Variants in TTC38 observed in about 807,000 individuals in gnomAD.
TTC38 encodes the protein tetratricopeptide repeat protein 38.
TTC38 carries 64 observed loss-of-function variants against 64.2 expected under a neutral mutation model. The ratio of observed to expected loss-of-function variants is 1.00; its 90% confidence interval spans 0.81 to 1.23. The LOEUF (loss-of-function observed/expected upper bound fraction) is 1.23. Among genes scored for constraint, TTC38 ranks in the 50% most tolerant of loss-of-function variants. The pLI is 0.00. For synonymous variants in TTC38, 254 were observed against 249.3 expected (o/e 1.02, Z -0.18); for missense variants, 573 against 615.5 (o/e 0.93, Z 0.73).
Position 46,281,884 on chromosome 22 carries a change from A to C in TTC38, c.735+166A>C, listed in dbSNP as rs2077537803. On this transcript the variant is annotated intron_variant, in intron 7 of 13. Coordinates refer to ENST00000381031, the MANE Select transcript of TTC38 (RefSeq NM_017931.4). The surrounding 1 kb of genome is among the most constrained non-coding windows in gnomAD (Gnocchi z 5.2). ...GGTGTTTGGCTGCTGAGCAGAATGC[A>C]ATCAAGATTCCAGTCCCCACCCCAG... 1 of 928,856 alleles carries C rather than the reference A, an allele frequency of 1.1e-6. No individual in the cohort carries two copies. The highest frequency in any genetic ancestry group is 2.2e-5 in the Admixed American group (1 of 45,310). 57.5% of individuals were successfully genotyped at this position (928,856 alleles called of 1,614,324 possible). A position where few individuals can be genotyped will look rare whatever the true frequency, so the allele number is the denominator to read the frequency against.
rs758455069 is a variant in TTC38, at chr22:46,289,537, C to T, written c.1218C>T (p.Val406=). The T allele has an allele frequency of 3.1e-6, 5 of 1,598,644 alleles. No homozygotes were observed. In the East Asian group the frequency reaches 1.1e-4, roughly 36 times the overall value. The change falls in exon 12 of 14, where the codon GTC becomes GTT. Residue 406 remains valine, a synonymous_variant. Transcript: ENST00000381031. The part of the protein sequence containing the change: ...ELLLPIRYRI[V]QLGGSNAQRD... Reference sequence around the variant, plus strand: ...TCCTGCCCATCCGCTACCGGATCGTCCAGCTCGGTGGGAGCAATGCCCAGG... The same window carrying T: ...TCCTGCCCATCCGCTACCGGATCGTTCAGCTCGGTGGGAGCAATGCCCAGG...
At chr22:46,283,390 C>G (rs1021760558) in intron 7 of TTC38, among the ~76,000 whole-genome samples, 1 of 152,176 alleles carries the variant, frequency 6.6e-6, no homozygotes, top group Non-Finnish European at 1.5e-5. Flanking sequence ...CTGCACCGGT[C>G]CTGGGGCTGC....
At position 46,292,793 on chromosome 22, in the gene TTC38, G is replaced by C; in HGVS notation, c.1319G>C (p.Ser440Thr). ...GACCTCTGTGTCTGTTTCCACAGGA[G>C]CCTTCTGATGGAGCGTGATGCCTTG... ...TSSVHKNVARSLLMERDALKP... is the reference protein window; with the variant it reads ...TSSVHKNVARTLLMERDALKP... Residue 440 changes from serine (S) to threonine (T), a missense_variant and splice_region_variant, in exon 14 of 14, where the codon AGC (serine) becomes ACC (threonine). Around this residue, in one of 3 missense-constraint regions of TTC38, gnomAD observed 371 missense variants for 381.8 expected, o/e 0.97. Transcript: ENST00000381031. The surrounding 1 kb of genome is among the most constrained non-coding windows in gnomAD (Gnocchi z 6.5). 1 of 1,613,634 alleles carries C rather than the reference G, an allele frequency of 6.2e-7. No homozygotes were observed. Among genetic ancestry groups the C allele is most frequent in the Non-Finnish European group, 8.5e-7 (1 of 1,179,580 alleles).
Position 46,282,164 on chromosome 22 carries a change from C to T in TTC38, c.735+446C>T. 2.9e-6 allele frequency: 1 copy of T among 350,006 alleles called. No homozygotes were observed. The highest frequency in any genetic ancestry group is 5.8e-6 in the Non-Finnish European group (1 of 171,650). 21.7% of individuals were successfully genotyped at this position (350,006 alleles called of 1,614,324 possible). A position where few individuals can be genotyped will look rare whatever the true frequency, so the allele number is the denominator to read the frequency against. On this transcript the variant is annotated intron_variant, in intron 7 of 13. Transcript: ENST00000381031. This position sits in a 1 kb window ranked among gnomAD's most constrained non-coding sequence, Gnocchi z 4.4. ...GAAGGATGAGCAGGTGTGTGCCACA[C>T]AGAGGGGGAAGATGGAGGGCATCCT...
chr22:46,288,672 C>A (rs941707020), intron 11 of TTC38, 84 bp downstream of exon 11: 9 of 1,349,172 alleles, frequency 6.7e-6, no homozygotes, highest in South Asian at 1.3e-5. Flanking sequence ...GAGACCTGTT[C>A]AGTGCCTGCC....
Position 46,281,754 on chromosome 22 carries a change from A to G in TTC38, c.735+36A>G. On this transcript the variant is annotated intron_variant, in intron 7 of 13. Coordinates refer to ENST00000381031, the MANE Select transcript of TTC38 (RefSeq NM_017931.4). The surrounding 1 kb of genome is among the most constrained non-coding windows in gnomAD (Gnocchi z 5.2). ...TGTCAATGGGTCACCTCCCTGGGAAATTCAGTGCATCCCCTTGAGTCAGGC... is the reference window on the plus strand; with the variant it reads ...TGTCAATGGGTCACCTCCCTGGGAAGTTCAGTGCATCCCCTTGAGTCAGGC... 6.2e-7 allele frequency: 1 copy of G among 1,612,210 alleles called. No homozygotes were observed. The highest frequency in any genetic ancestry group is 1.3e-5 in the African/African-American group (1 of 75,028).
rs1406688892 is a variant in TTC38, at chr22:46,274,043, G to T, written c.339G>T (p.Val113=). ...TGACAAGGCGGGAGCAGCTGCACGT[G>T]TCTGCAGTAGAGACATTTGCCAATG... The part of the protein sequence containing the change: ...QPLTRREQLH[V]SAVETFANGN... The change falls in exon 4 of 14, where the codon GTG becomes GTT. Residue 113 remains valine (V), a synonymous_variant. Transcript: ENST00000381031. The surrounding 1 kb of genome is among the most constrained non-coding windows in gnomAD (Gnocchi z 4.8). The T allele has an allele frequency of 2.5e-6, 4 of 1,613,988 alleles. No homozygotes were observed. Among genetic ancestry groups the T allele is most frequent in the Non-Finnish European group, 2.5e-6 (3 of 1,179,944 alleles).
Position 46,288,468 on chromosome 22 carries a change from G to A in TTC38, c.962G>A (p.Arg321Gln), listed in dbSNP as rs374547791. The A allele has an allele frequency of 1.3e-5, 21 of 1,613,864 alleles. No homozygotes were observed. Among genetic ancestry groups the A allele is most frequent in the South Asian group, 2.2e-5 (2 of 91,088 alleles). The change falls in exon 11 of 14, where the codon CGG (arginine) becomes CAG (glutamine). Residue 321 changes from arginine (R) to glutamine (Q), a missense_variant. Coordinates refer to ENST00000381031, the MANE Select transcript of TTC38 (RefSeq NM_017931.4). Reference protein sequence around the residue: ...QRWQDVLPVARKHSRDHILLF... With the variant: ...QRWQDVLPVAQKHSRDHILLF... ...TGGCAGGATGTCCTGCCTGTGGCCCGGAAGCACAGCCGAGACCACATCCTG... is the reference window on the plus strand; with the variant it reads ...TGGCAGGATGTCCTGCCTGTGGCCCAGAAGCACAGCCGAGACCACATCCTG...
chr22:46,286,657 A>G (rs926893680), intron 9 of TTC38, among the ~76,000 whole-genome samples: 8 of 149,850 alleles, frequency 5.3e-5, no homozygotes, highest in Non-Finnish European at 1.0e-4. Context: ...GGGAGACCCT[A>G]TCTCAAAAAA....
At chr22:46,290,843 G>A (rs2077610157) in intron 13 of TTC38, among the ~76,000 whole-genome samples, 1 of 152,306 alleles carries the variant, frequency 6.6e-6, no homozygotes, top group Non-Finnish European at 1.5e-5. Context: ...CAGCTGCGTA[G>A]CCCGTGTGCC....
intron 1 of TTC38, 59 bp downstream of exon 1, chr22:46,268,131 C>T: frequency 6.7e-7 from 1 of 1,499,910 alleles, no homozygotes. Flanking sequence ...GGGGGTGGCC[C>T]GGTGCTGGCG....
rs1435051432 is a variant in TTC38 at position 46,291,905 on chromosome 22, G to A, written c.1317-886G>A. 3.9e-5 allele frequency among the ~76,000 whole-genome samples: 6 copies of A among 152,274 alleles called. No homozygotes were observed. The highest frequency in any genetic ancestry group is 9.6e-5 in the African/African-American group (4 of 41,552). ...TGGGAGGTGGAGGTTGCAGTGAGCC[G>A]AGATCGCGTCATTGCACTCCAGCCT... On this transcript the variant is annotated intron_variant, in intron 13 of 13. Coordinates refer to ENST00000381031, the MANE Select transcript of TTC38 (RefSeq NM_017931.4). The surrounding 1 kb of genome is among the most constrained non-coding windows in gnomAD (Gnocchi z 4.6).
Position 46,272,084 on chromosome 22 carries a change from G to A in TTC38, c.112-251G>A, listed in dbSNP as rs747750574. Among the ~76,000 whole-genome samples the A allele has an allele frequency of 6.6e-6, 1 of 151,960 alleles. No individual in the cohort carries two copies. The highest frequency in any genetic ancestry group is 2.4e-5 in the African/African-American group (1 of 41,326). ...TTGGCTCATTGCAACCTCAGCCCCC[G>A]GGTTCAAGTGATTCTCATGCCTCTG... On this transcript the variant is annotated intron_variant, in intron 2 of 13. Transcript: ENST00000381031. This position sits in a 1 kb window ranked among gnomAD's most constrained non-coding sequence, Gnocchi z 6.4.
chr22:46,275,192 C>T lies in TTC38; in HGVS notation c.366-56C>T. Reference sequence around the variant, plus strand: ...GTGAGAAACAATGCCTCTTACACTCCCTGTGTGGGTGGACTATGTGTTCAG... The same window carrying T: ...GTGAGAAACAATGCCTCTTACACTCTCTGTGTGGGTGGACTATGTGTTCAG... On this transcript the variant is annotated intron_variant, in intron 4 of 13. Coordinates refer to ENST00000381031, the MANE Select transcript of TTC38 (RefSeq NM_017931.4). This position sits in a 1 kb window ranked among gnomAD's most constrained non-coding sequence, Gnocchi z 4.5. 6.6e-7 allele frequency: 1 copy of T among 1,525,474 alleles called. No individual in the cohort carries two copies. Among genetic ancestry groups the T allele is most frequent in the Admixed American group, 1.8e-5 (1 of 56,348 alleles). 94.5% of individuals were successfully genotyped at this position (1,525,474 alleles called of 1,614,324 possible). A position where few individuals can be genotyped will look rare whatever the true frequency, so the allele number is the denominator to read the frequency against.
Position 46,275,244 on chromosome 22 carries a change from C to G in TTC38, c.366-4C>G. The G allele has an allele frequency of 6.2e-7, 1 of 1,612,376 alleles. No individual in the cohort carries two copies. The highest frequency in any genetic ancestry group is 8.5e-7 in the Non-Finnish European group (1 of 1,179,440). Reference sequence around the variant, plus strand: ...GTTGGTGAGAAATCTTTCTCGGTTTCCAGGAACTTTCCGAAAGCCTGTGAA... The same window carrying G: ...GTTGGTGAGAAATCTTTCTCGGTTTGCAGGAACTTTCCGAAAGCCTGTGAA... On this transcript the variant is annotated splice_region_variant and splice_polypyrimidine_tract_variant and intron_variant, in intron 4 of 13. Transcript: ENST00000381031. This position sits in a 1 kb window ranked among gnomAD's most constrained non-coding sequence, Gnocchi z 4.5.
Position 46,272,365 on chromosome 22 carries a change from G to A in TTC38, c.142G>A (p.Gly48Ser), listed in dbSNP as rs896111969. 2.7e-5 allele frequency: 43 copies of A among 1,613,756 alleles called. No individual in the cohort carries two copies. Among genetic ancestry groups the A allele is most frequent in the East Asian group, 6.7e-5 (3 of 44,878 alleles). ...AAAATGGACCAATGACAAGAGTCTC[G>A]GTGGCATCGAGGGCTGCCTGTCAAA... ...YVKWTNDKSL[G>S]GIEGCLSKLK... The change falls in exon 3 of 14, where the codon GGT (glycine) becomes AGT (serine). Residue 48 changes from glycine to serine, a missense_variant. Around this residue, in one of 3 missense-constraint regions of TTC38, gnomAD observed 134 missense variants for 126.5 expected, o/e 1.06. Transcript: ENST00000381031. The surrounding 1 kb of genome is among the most constrained non-coding windows in gnomAD (Gnocchi z 6.4).
chr22:46,281,493 C>T lies in TTC38; in HGVS notation c.616-106C>T, dbSNP rs1052524774. ...GCCCCGCCCCCCCACTTGCTCCACC[C>T]CGTTCAGCCCAGGCCCCTCTTGCCC... On this transcript the variant is annotated intron_variant, in intron 6 of 13. Coordinates refer to ENST00000381031, the MANE Select transcript of TTC38 (RefSeq NM_017931.4). This position sits in a 1 kb window ranked among gnomAD's most constrained non-coding sequence, Gnocchi z 5.2. 5.9e-6 allele frequency: 8 copies of T among 1,361,952 alleles called. No individual in the cohort carries two copies. The East Asian group carries it at 1.9e-4, about 32-fold the overall frequency. 84.4% of individuals were successfully genotyped at this position (1,361,952 alleles called of 1,614,324 possible). A position where few individuals can be genotyped will look rare whatever the true frequency, so the allele number is the denominator to read the frequency against.
rs1193618232 is a variant in TTC38 at position 46,282,289 on chromosome 22, G to A, written c.735+571G>A. On this transcript the variant is annotated intron_variant, in intron 7 of 13. Transcript: ENST00000381031. This position sits in a 1 kb window ranked among gnomAD's most constrained non-coding sequence, Gnocchi z 4.4. ...GTGTCCTAGAGCCCAGGTACAAGGC[G>A]GACATGGGCTGTGCAGGAGGCCTTG... 2.8e-5 allele frequency: 7 copies of A among 249,860 alleles called. No homozygotes were observed. The highest frequency in any genetic ancestry group is 4.9e-5 in the Non-Finnish European group (6 of 122,726). 15.5% of individuals were successfully genotyped at this position (249,860 alleles called of 1,614,324 possible).
chr22:46,289,573 G>A lies in TTC38; in HGVS notation c.1242+12G>A. ...GGAGCAATGCCCAGGTGAGCCGATG[G>A]CCGCCAGCTGGGGTGCCTAGGGCCT... On this transcript the variant is annotated intron_variant, in intron 12 of 13. Transcript: ENST00000381031. 6.4e-7 allele frequency: 1 copy of A among 1,565,170 alleles called. No individual in the cohort carries two copies.
Sources: allele counts gnomAD v4.1 joint callset (sites outside exome capture counted in the v4.1 genomes callset), GRCh38; gene constraint gnomAD v4.1.1; regional missense constraint gnomAD v4.1.1; non-coding constraint Gnocchi (gnomAD v3.1); transcripts MANE v1.5; gene names NCBI Gene and HGNC (gene_info 2026-07-23, HGNC 2026-07-21).